IBTK: variants seen among roughly 807,000 people sequenced by gnomAD.
The protein encoded by IBTK is inhibitor of Bruton tyrosine kinase.
Under a neutral mutation model 154.9 loss-of-function variants are expected in IBTK, and 83 were observed. The observed-to-expected ratio is 0.54, with a 90% CI of 0.45 to 0.64. The LOEUF is 0.64. IBTK is among the 30% of genes least tolerant of loss of function. The probability of loss-of-function intolerance (pLI) is 0.00; values close to 1 mark genes in which losing one functional copy is unlikely to be tolerated. For missense variants in IBTK, 1,332 were observed against 1,584.6 expected (o/e 0.84, Z 2.71); for synonymous variants, 515 against 536.1 (o/e 0.96, Z 0.54).
intron 10 of IBTK, 86 bp from the exon 11 acceptor site, chr6:82,216,336 T>G: frequency 1.2e-6 from 1 of 853,234 alleles, no homozygotes; most frequent in South Asian, 1.9e-5. Context: ...AGAAAAGGAG[T>G]TAGAAAAATA....
intron 16 of IBTK, 92 bp downstream of exon 16, chr6:82,210,722 G>GT (rs1278700210): frequency 2.3e-5 from 12 of 510,946 alleles, no homozygotes; most frequent in South Asian, 1.6e-4. Context: ...TTTATTGATG[G>GT]TTTTTTTCTA....
chr6:82,196,490 C>T (rs769826293), intron 21 of IBTK, 44 bp from the exon 22 acceptor site: 3 of 1,229,406 alleles, frequency 2.4e-6, no homozygotes, highest in Non-Finnish European at 3.4e-6. Context: ...ATGCATTAAA[C>T]ATATATGCAT....
Position 82,216,111 on chromosome 6 carries a change from G to A in IBTK, c.1566C>T (p.Cys522=). 1 of 1,610,936 alleles carries A rather than the reference G, an allele frequency of 6.2e-7. No individual in the cohort carries two copies. Among genetic ancestry groups the A allele is most frequent in the Non-Finnish European group, 8.5e-7 (1 of 1,179,262 alleles). The change falls in exon 11 of 29, where the codon TGC becomes TGT. Residue 522 remains cysteine (C), a synonymous_variant. Transcript: ENST00000306270. ...GATCTGACTGCAGGATTGCAAAGTT[G>A]CATCCACTTGGATCTGTGCTGACAC... The part of the protein sequence containing the change: ...AVSVSTDPSG[C]NFAILQSDPK...
At position 82,176,988 on chromosome 6, in the gene IBTK, C is replaced by A. The variant is rs943139047; in HGVS notation, c.3726-3550G>T. 3.9e-5 allele frequency among the ~76,000 whole-genome samples: 6 copies of A among 151,990 alleles called. No homozygotes were observed. In the South Asian group the frequency reaches 1.2e-3, roughly 32 times the overall value. On this transcript the variant is annotated intron_variant, in intron 26 of 28. Coordinates refer to ENST00000306270, the MANE Select transcript of IBTK (RefSeq NM_015525.4). ...TGATCTCTTTTTTTCTAATGTTTTTCACATGCTTATAAATATAATAATAAA... is the reference window on the plus strand; with the variant it reads ...TGATCTCTTTTTTTCTAATGTTTTTAACATGCTTATAAATATAATAATAAA...
intron 25 of IBTK, chr6:82,188,945 G>A (rs550113503): frequency 1.4e-4 from 53 of 385,106 alleles, no homozygotes; most frequent in Admixed American, 1.2e-3. Flanking sequence ...CAGAAGAATC[G>A]CTTGAACCTA....
At chr6:82,183,185 G>C (rs1260972931) in intron 25 of IBTK, among the ~76,000 whole-genome samples, 1 of 152,214 alleles carries the variant, frequency 6.6e-6, no homozygotes, top group Non-Finnish European at 1.5e-5. Context: ...CAAGGCAGGT[G>C]GATCGCTTGA....
intron 16 of IBTK, among the ~76,000 whole-genome samples, chr6:82,206,502 G>A (rs1043373454): frequency 1.3e-5 from 2 of 152,114 alleles, no homozygotes; most frequent in African/African-American, 2.4e-5. Flanking sequence ...ATTTAAAGAT[G>A]AATAATACAA....
intron 10 of IBTK, among the ~76,000 whole-genome samples, chr6:82,217,562 G>T (rs1769917560): frequency 6.6e-6 from 1 of 151,964 alleles, no homozygotes; most frequent in Admixed American, 6.6e-5. Flanking sequence ...AATCTATAAA[G>T]AAATAAAAGA....
At position 82,194,494 on chromosome 6, in the gene IBTK, A is replaced by C. The variant is rs760058087; in HGVS notation, c.3323T>G (p.Val1108Gly). ...RIDTTSSASW[V>G]AGSFSPVSPP... ...AAAATCCTACCTGAAAGAACCAGCA[A>C]CCCAACTGGCAGAGCTGGTAGTATC... is the stretch of plus-strand genomic sequence containing the variant. Residue 1108 changes from valine to glycine, a missense_variant, in exon 23 of 29, where the codon GTT (valine) becomes GGT (glycine). Physicochemically the swap from Val to Gly is moderately radical, Grantham distance 109. Transcript: ENST00000306270. 22 of 1,577,920 alleles carry C rather than the reference A, an allele frequency of 1.4e-5. No homozygotes were observed. Among genetic ancestry groups the C allele is most frequent in the Non-Finnish European group, 1.5e-5 (18 of 1,164,392 alleles).
intron 1 of IBTK, among the ~76,000 whole-genome samples, chr6:82,243,786 C>T (rs1771043121): frequency 6.6e-6 from 1 of 151,952 alleles, no homozygotes. Flanking sequence ...ATGCATAATA[C>T]CTGGAAGGAA....
chr6:82,242,820 C>G (rs1186763654), intron 1 of IBTK, among the ~76,000 whole-genome samples: 6 of 151,782 alleles, frequency 4.0e-5, no homozygotes, highest in Non-Finnish European at 8.8e-5. Flanking sequence ...TCCTGTAATC[C>G]CAGCTACTTG....
chr6:82,222,865 A>ACT lies in IBTK; in HGVS notation c.1124+573_1124+574dup, dbSNP rs201152706. On this transcript the variant is annotated intron_variant, in intron 8 of 28. Coordinates refer to ENST00000306270, the MANE Select transcript of IBTK (RefSeq NM_015525.4). ...GGACGCTTGAACCCAGGAGTTCAAG[A>ACT]CTAGCCTGGGCTACAGAGCAAGAAC... 7.6e-3 allele frequency among the ~76,000 whole-genome samples: 1,158 copies of ACT among 151,820 alleles called. 15 individuals are homozygous for ACT. The highest frequency in any genetic ancestry group is 0.026 in the African/African-American group (1,091 of 41,384).
At chr6:82,224,734 A>G (rs1307527042) in intron 6 of IBTK, among the ~76,000 whole-genome samples, 1 of 152,200 alleles carries the variant, frequency 6.6e-6, no homozygotes, top group East Asian at 1.9e-4. Context: ...ATCTGTGCAG[A>G]GGCAGATTTA....
intron 26 of IBTK, among the ~76,000 whole-genome samples, chr6:82,178,087 GA>G (rs1005980942): frequency 3.9e-5 from 6 of 151,902 alleles, no homozygotes; most frequent in Admixed American, 1.3e-4. Context: ...TTCTATGATG[GA>G]AAAAAACCCT....
intron 25 of IBTK, among the ~76,000 whole-genome samples, chr6:82,189,404 T>G (rs1768678621): frequency 6.6e-6 from 1 of 152,122 alleles, no homozygotes; most frequent in Non-Finnish European, 1.5e-5. Context: ...CCCGTTCCCA[T>G]CTATCAGTCA....
At chr6:82,189,448 T>C (rs1251485826) in intron 25 of IBTK, among the ~76,000 whole-genome samples, 4 of 152,166 alleles carry the variant, frequency 2.6e-5, no homozygotes, top group African/African-American at 9.7e-5. Context: ...AACATTTTCA[T>C]GAATATACGA....
chr6:82,196,542 C>T, intron 21 of IBTK, 96 bp from the exon 22 acceptor site: 3 of 575,540 alleles, frequency 5.2e-6, no homozygotes, highest in African/African-American at 3.8e-5. Flanking sequence ...TTTCATTTAT[C>T]CAGATTTAAT....
chr6:82,242,685 G>A (rs965134476), intron 1 of IBTK, among the ~76,000 whole-genome samples: 8 of 152,240 alleles, frequency 5.3e-5, no homozygotes, highest in Admixed American at 3.3e-4. Context: ...GGTGGCTCAC[G>A]TCTGTAATCC....
At chr6:82,196,272 A>G (rs746209348) in intron 22 of IBTK, 26 bp downstream of exon 22, 1 of 1,543,326 alleles carries the variant, frequency 6.5e-7, no homozygotes, top group Non-Finnish European at 8.7e-7. Flanking sequence ...TCTGAAGGTA[A>G]GGAGGTAGTG....
Sources: allele counts gnomAD v4.1 joint callset (sites outside exome capture counted in the v4.1 genomes callset), GRCh38; gene constraint gnomAD v4.1.1; transcripts MANE v1.5; gene names NCBI Gene and HGNC (gene_info 2026-07-23, HGNC 2026-07-21).